VWC2: variants seen among roughly 807,000 people sequenced by gnomAD.
The protein encoded by VWC2 is von Willebrand factor C domain containing 2, also known as brorin.
VWC2 carries 14 observed loss-of-function variants against 29.8 expected under a neutral mutation model. That is an observed-to-expected ratio of 0.47 (90% CI 0.31 to 0.74). The LOEUF (loss-of-function observed/expected upper bound fraction) is 0.74, where lower values mean the gene tolerates loss of function less well. Among genes scored for constraint, VWC2 ranks in the 30% least tolerant of loss-of-function variants. The pLI, the probability that VWC2 is intolerant of heterozygous loss-of-function variation, is 0.05. For missense variants in VWC2, 457 were observed against 459.8 expected (o/e 0.99, Z 0.05); for synonymous variants, 213 against 199.0 (o/e 1.07, Z -0.59).
chr7:49,881,936 CT>C (rs1274098021), intron 3 of VWC2, among the ~76,000 whole-genome samples: 11 of 151,644 alleles, frequency 7.3e-5, no homozygotes, highest in African/African-American at 2.7e-4. Context: ...TTTTCCTTTC[CT>C]TTTTTTAAAT....
chr7:49,828,928 A>G (rs1789464519), intron 3 of VWC2, among the ~76,000 whole-genome samples: 2 of 152,124 alleles, frequency 1.3e-5, no homozygotes, highest in South Asian at 2.1e-4. Context: ...CACTGAAATG[A>G]TTCAGACTAG....
chr7:49,896,233 C>G (rs1385254864), intron 3 of VWC2, among the ~76,000 whole-genome samples: 2 of 152,046 alleles, frequency 1.3e-5, no homozygotes, highest in African/African-American at 4.8e-5. Flanking sequence ...CCCAGCTACT[C>G]AGGAGGCTGA....
At chr7:49,790,557 G>T (rs1295085413) in intron 2 of VWC2, among the ~76,000 whole-genome samples, 23 of 152,204 alleles carry the variant, frequency 1.5e-4, no homozygotes, top group Non-Finnish European at 7.3e-5. Context: ...AAGGTAGCTT[G>T]TGGATCAACT....
At chr7:49,867,671 G>A (rs1378664668) in intron 3 of VWC2, among the ~76,000 whole-genome samples, 1 of 152,174 alleles carries the variant, frequency 6.6e-6, no homozygotes, top group Non-Finnish European at 1.5e-5. Flanking sequence ...TGGCTGAAGA[G>A]AGAGGAGAAT....
chr7:49,823,685 G>C (rs1484303488), intron 3 of VWC2, among the ~76,000 whole-genome samples: 1 of 152,144 alleles, frequency 6.6e-6, no homozygotes, highest in Non-Finnish European at 1.5e-5. Context: ...CCTGCATAAA[G>C]GAATTGAAAG....
chr7:49,875,396 A>AAAAAC (rs1791370719), intron 3 of VWC2, among the ~76,000 whole-genome samples: 4 of 148,718 alleles, frequency 2.7e-5, no homozygotes, highest in Non-Finnish European at 1.5e-5. Context: ...AAAAAAAAAA[A>AAAAAC]ACAGGAATAA....
intron 3 of VWC2, among the ~76,000 whole-genome samples, chr7:49,867,426 A>G (rs1275576625): frequency 6.6e-6 from 1 of 152,234 alleles, no homozygotes; most frequent in Non-Finnish European, 1.5e-5. Flanking sequence ...GAAGGAGTAC[A>G]GGTCAACTGA....
intron 3 of VWC2, among the ~76,000 whole-genome samples, chr7:49,806,525 A>G (rs1461816775): frequency 1.3e-5 from 2 of 152,184 alleles, no homozygotes; most frequent in African/African-American, 4.8e-5. Flanking sequence ...CATTTTTTGG[A>G]GGAAAGTGAA....
intron 3 of VWC2, among the ~76,000 whole-genome samples, chr7:49,868,170 G>A (rs957338727): frequency 6.6e-6 from 1 of 152,120 alleles, no homozygotes; most frequent in Admixed American, 6.6e-5. Flanking sequence ...AAACCCAAGT[G>A]AATGATTCAT....
intron 3 of VWC2, among the ~76,000 whole-genome samples, chr7:49,879,395 G>C (rs2128726508): frequency 6.6e-6 from 1 of 152,232 alleles, no homozygotes; most frequent in East Asian, 1.9e-4. Flanking sequence ...AATGATTTGA[G>C]ACTAAAGATG....
At chr7:49,777,655 T>C (rs969765713) in intron 2 of VWC2, among the ~76,000 whole-genome samples, 5 of 152,190 alleles carry the variant, frequency 3.3e-5, no homozygotes, top group Non-Finnish European at 7.3e-5. Context: ...GCAACTCATA[T>C]GAACCACGCC....
chr7:49,847,302 GTTAC>G, intron 3 of VWC2, among the ~76,000 whole-genome samples: 1 of 151,740 alleles, frequency 6.6e-6, no homozygotes, highest in African/African-American at 2.4e-5. Context: ...CTATTGACAA[GTTAC>G]TTATCCTCTT....
At position 49,920,037 on chromosome 7, in the gene VWC2, T is replaced by G. The variant is rs879013329; in HGVS notation, c.*7852T>G. 6 of 148,444 alleles carry G rather than the reference T, an allele frequency of 4.0e-5. No homozygotes were observed. The highest frequency in any genetic ancestry group is 4.4e-4 in the South Asian group (2 of 4,548). The allele number at this position is 148,444 out of a possible 1,614,324, so 9.2% of individuals were successfully genotyped here. On this transcript the variant is annotated 3_prime_UTR_variant, in exon 4 of 4. Coordinates refer to ENST00000340652, the MANE Select transcript of VWC2 (RefSeq NM_198570.5). Reference sequence around the variant, plus strand: ...TGTCTTTAAAATAAACATAATGGTGTTTTTTTTTGGTACAATAAACAGCAT... The same window carrying G: ...TGTCTTTAAAATAAACATAATGGTGGTTTTTTTTGGTACAATAAACAGCAT...
chr7:49,889,831 G>A (rs1400848219), intron 3 of VWC2, among the ~76,000 whole-genome samples: 3 of 152,096 alleles, frequency 2.0e-5, no homozygotes, highest in African/African-American at 4.8e-5. Flanking sequence ...ACAAATAGGT[G>A]CCCCAGTATG....
chr7:49,792,322 C>A (rs1788479309), intron 2 of VWC2, among the ~76,000 whole-genome samples: 1 of 152,218 alleles, frequency 6.6e-6, no homozygotes, highest in South Asian at 2.1e-4. Flanking sequence ...GACTGAGGCA[C>A]AAGTTTCAGA....
At chr7:49,828,086 G>A (rs535579992) in intron 3 of VWC2, among the ~76,000 whole-genome samples, 84 of 152,088 alleles carry the variant, frequency 5.5e-4, no homozygotes, top group African/African-American at 1.6e-3. Context: ...GATTATTTCC[G>A]CTTGTTCAGA....
chr7:49,833,645 C>T (rs1789587489), intron 3 of VWC2, among the ~76,000 whole-genome samples: 1 of 152,136 alleles, frequency 6.6e-6, no homozygotes, highest in Non-Finnish European at 1.5e-5. Context: ...AATACATCTT[C>T]ACAAAATGGC....
Position 49,913,402 on chromosome 7 carries a change from C to T in VWC2, c.*1217C>T, listed in dbSNP as rs1362784864. 2.0e-5 allele frequency: 3 copies of T among 152,160 alleles called. No individual in the cohort carries two copies. In the East Asian group the frequency reaches 5.8e-4, roughly 29 times the overall value. The allele number at this position is 152,160 out of a possible 1,614,324, so 9.4% of individuals were successfully genotyped here. On this transcript the variant is annotated 3_prime_UTR_variant, in exon 4 of 4. Coordinates refer to ENST00000340652, the MANE Select transcript of VWC2 (RefSeq NM_198570.5). Reference sequence around the variant, plus strand: ...AGAAAATAGTTCTACCTTTATCAATCATATCAGCATGCGGTGTGTTGATGA... The same window carrying T: ...AGAAAATAGTTCTACCTTTATCAATTATATCAGCATGCGGTGTGTTGATGA...
chr7:49,897,007 T>C (rs1041733962), intron 3 of VWC2, among the ~76,000 whole-genome samples: 9 of 150,832 alleles, frequency 6.0e-5, no homozygotes, highest in African/African-American at 2.2e-4. Flanking sequence ...GCCATTCTCC[T>C]GCCTCAGCCT....
Sources: allele counts gnomAD v4.1 joint callset (sites outside exome capture counted in the v4.1 genomes callset), GRCh38; gene constraint gnomAD v4.1.1; transcripts MANE v1.5; gene names NCBI Gene and HGNC (gene_info 2026-07-23, HGNC 2026-07-21).